The following REDIC1 variants were observed in gnomAD, a reference collection of about 807,000 sequenced individuals.
The protein encoded by REDIC1 is HEI10 Interacting Protein 1.
At chr12:39,886,202 C>T in the REDIC1 span, among the ~76,000 whole-genome samples, 1 of 152,076 alleles carries the variant, frequency 6.6e-6, no homozygotes, top group Non-Finnish European at 1.5e-5. Context: ...TGAACTGTAA[C>T]AGCCCTGGGC....
At chr12:39,865,489 A>G in the REDIC1 span, among the ~76,000 whole-genome samples, 3 of 152,208 alleles carry the variant, frequency 2.0e-5, no homozygotes, top group Admixed American at 6.5e-5. Context: ...TGAAAGTGAA[A>G]TATTTGTTTT....
chr12:39,685,569 A>C, the REDIC1 span, among the ~76,000 whole-genome samples: 1 of 152,154 alleles, frequency 6.6e-6, no homozygotes, highest in South Asian at 2.1e-4. Flanking sequence ...CCCCACCTCC[A>C]ACACTCAGGA....
chr12:39,723,011 C>T, the REDIC1 span, among the ~76,000 whole-genome samples: 1 of 152,106 alleles, frequency 6.6e-6, no homozygotes, highest in East Asian at 1.9e-4. Flanking sequence ...GTCAGCCACA[C>T]CGCTGTGATT....
the REDIC1 span, among the ~76,000 whole-genome samples, chr12:39,673,528 T>C: frequency 6.6e-6 from 1 of 152,250 alleles, no homozygotes; most frequent in Non-Finnish European, 1.5e-5. Flanking sequence ...CTTTTGTACT[T>C]TATAGCCCTA....
chr12:39,719,116 G>C, the REDIC1 span, among the ~76,000 whole-genome samples: 341 of 152,128 alleles, frequency 2.2e-3, 18 homozygotes, highest in South Asian at 0.067. Context: ...TTTTGCTTGT[G>C]TATATGTAAA....
At chr12:39,893,401 G>A in the REDIC1 span, among the ~76,000 whole-genome samples, 2 of 152,222 alleles carry the variant, frequency 1.3e-5, no homozygotes, top group Non-Finnish European at 2.9e-5. Context: ...CCAGGTTCAA[G>A]CAATTCTCCT....
chr12:39,753,302 G>A, the REDIC1 span, among the ~76,000 whole-genome samples: 1 of 152,030 alleles, frequency 6.6e-6, no homozygotes, highest in Admixed American at 6.6e-5. Flanking sequence ...ATTAGAGAGG[G>A]TTAATGTCAC....
the REDIC1 span, among the ~76,000 whole-genome samples, chr12:39,868,053 T>C: frequency 6.6e-6 from 1 of 152,234 alleles, no homozygotes; most frequent in African/African-American, 2.4e-5. Context: ...TACTTATATT[T>C]AGTTAGTTAC....
At chr12:39,892,516 A>AT in the REDIC1 span, among the ~76,000 whole-genome samples, 104 of 151,956 alleles carry the variant, frequency 6.8e-4, 1 homozygote, top group African/African-American at 1.8e-3. Flanking sequence ...TAGTCAAAAG[A>AT]TTTTTTTTTA....
At chr12:39,713,880 C>A in the REDIC1 span, among the ~76,000 whole-genome samples, 1 of 147,242 alleles carries the variant, frequency 6.8e-6, no homozygotes. Flanking sequence ...TGTATATTTA[C>A]GTATATACAC....
At chr12:39,843,305 GA>G in the REDIC1 span, among the ~76,000 whole-genome samples, 1 of 151,938 alleles carries the variant, frequency 6.6e-6, no homozygotes, top group Non-Finnish European at 1.5e-5. Context: ...GTTAATTGAA[GA>G]ATTTTATCAT....
At chr12:39,675,022 A>G in the REDIC1 span, among the ~76,000 whole-genome samples, 1 of 152,188 alleles carries the variant, frequency 6.6e-6, no homozygotes, top group African/African-American at 2.4e-5. Context: ...GGGGAGGCTC[A>G]TAGCCTGGGG....
the REDIC1 span, among the ~76,000 whole-genome samples, chr12:39,806,402 G>A: frequency 0.81 from 122,865 of 152,130 alleles, 49,833 homozygotes; most frequent in Non-Finnish European, 0.85. Flanking sequence ...GAAGAAAATG[G>A]CATTCTGTCC....
the REDIC1 span, among the ~76,000 whole-genome samples, chr12:39,681,349 G>C: frequency 6.6e-6 from 1 of 152,094 alleles, no homozygotes; most frequent in Non-Finnish European, 1.5e-5. Context: ...AGGGATAAAA[G>C]ACTATACATT....
At chr12:39,671,000 A>G in the REDIC1 span, among the ~76,000 whole-genome samples, 2 of 151,902 alleles carry the variant, frequency 1.3e-5, no homozygotes, top group Admixed American at 6.6e-5. Context: ...CTTCTTTTAT[A>G]TCATGATTTC....
At chr12:39,760,303 T>G in the REDIC1 span, 1 of 1,506,020 alleles carries the variant, frequency 6.6e-7, no homozygotes, top group Non-Finnish European at 9.0e-7. Flanking sequence ...GAGAGAGGCT[T>G]AAGTTGGAAA....
chr12:39,653,542 C>CTTCTTCTTCTTCTTCTTCTTCTTT, the REDIC1 span, among the ~76,000 whole-genome samples: 1 of 37,306 alleles, frequency 2.7e-5, no homozygotes, highest in South Asian at 8.3e-4. Flanking sequence ...TCTTCTTTTT[C>CTTCTTCTTCTTCTTCTTCTTCTTT]TTCTTCTTCT....
At chr12:39,775,305 C>A in the REDIC1 span, among the ~76,000 whole-genome samples, 1 of 152,170 alleles carries the variant, frequency 6.6e-6, no homozygotes, top group Admixed American at 6.5e-5. Context: ...TCTTAGGTAA[C>A]GTAAGTTACT....
chr12:39,764,429 C>A, the REDIC1 span: 1 of 1,510,232 alleles, frequency 6.6e-7, no homozygotes, highest in Non-Finnish European at 8.9e-7. Context: ...AAAATAAAAA[C>A]AAAACTATGT....
Sources: allele counts gnomAD v4.1 joint callset (sites outside exome capture counted in the v4.1 genomes callset), GRCh38; gene constraint gnomAD v4.1.1; transcripts MANE v1.5; gene names NCBI Gene and HGNC (gene_info 2026-07-23, HGNC 2026-07-21).